Variants in CLDN14 observed in about 807,000 individuals in gnomAD.
The protein encoded by CLDN14 is claudin 14.
Under a neutral mutation model 2.1 loss-of-function variants are expected in CLDN14, and 2 were observed. That is an observed-to-expected ratio of 0.96 (90% CI 0.39 to 3.01). The LOEUF (loss-of-function observed/expected upper bound fraction) is 3.01, where lower values mean the gene tolerates loss of function less well. Among genes scored for constraint, CLDN14 ranks in the 30% most tolerant of loss-of-function variants. CLDN14 has a pLI of 0.09. For synonymous variants in CLDN14, 136 were observed against 154.4 expected (o/e 0.88, Z 0.88); for missense variants, 298 against 328.0 (o/e 0.91, Z 0.71).
intron 1 of CLDN14, among the ~76,000 whole-genome samples, chr21:36,533,849 G>A (rs191160286): frequency 4.6e-5 from 7 of 152,300 alleles, no homozygotes; most frequent in African/African-American, 1.2e-4. Flanking sequence ...TGGGGGTGAA[G>A]GGTGGGAGGA....
At chr21:36,565,744 C>T (rs531990548) in intron 1 of CLDN14, among the ~76,000 whole-genome samples, 1 of 152,306 alleles carries the variant, frequency 6.6e-6, no homozygotes, top group Non-Finnish European at 1.5e-5. Context: ...ATAAATAGTG[C>T]TGTGGAGTCT....
At chr21:36,465,954 G>T (rs193056047) in intron 1 of CLDN14, among the ~76,000 whole-genome samples, 1 of 152,334 alleles carries the variant, frequency 6.6e-6, no homozygotes, top group Non-Finnish European at 1.5e-5. Flanking sequence ...CCTGGGTGGG[G>T]AGTATGTGGC....
intron 1 of CLDN14, among the ~76,000 whole-genome samples, chr21:36,543,444 T>G (rs529256607): frequency 1.3e-5 from 2 of 152,190 alleles, no homozygotes; most frequent in Non-Finnish European, 2.9e-5. Context: ...AAGAGAGTGA[T>G]AGGGAAGTTT....
intron 1 of CLDN14, among the ~76,000 whole-genome samples, chr21:36,472,143 T>C (rs2086717982): frequency 6.6e-6 from 1 of 152,198 alleles, no homozygotes; most frequent in Non-Finnish European, 1.5e-5. Flanking sequence ...GTTACATAAC[T>C]TGTCCAAGGT....
rs192974799 is a variant in CLDN14 at position 36,470,712 on chromosome 21, G to A, written c.-82+8783C>T. 2.6e-5 allele frequency among the ~76,000 whole-genome samples: 4 copies of A among 152,338 alleles called. No homozygotes were observed. The East Asian group carries it at 7.7e-4, about 29-fold the overall frequency. ...TGCTCGGCCAGGCCCCATGGCACAGGCCTATAATCCCAACACTTTGGGAGG... is the reference window on the plus strand; with the variant it reads ...TGCTCGGCCAGGCCCCATGGCACAGACCTATAATCCCAACACTTTGGGAGG... On this transcript the variant is annotated intron_variant, in intron 1 of 1. Coordinates refer to ENST00000399135, the MANE Select transcript of CLDN14 (RefSeq NM_001146079.2).
chr21:36,539,837 AGT>A (rs963629376), intron 1 of CLDN14, among the ~76,000 whole-genome samples: 5 of 141,500 alleles, frequency 3.5e-5, no homozygotes, highest in East Asian at 2.2e-4. Context: ...CTGCAGAGTG[AGT>A]GTGTGTGCAG....
rs1186672358 is a variant in CLDN14 at position 36,489,124 on chromosome 21, A to AT, written c.-82+21238_-82+21239insA. Among the ~76,000 whole-genome samples the AT allele has an allele frequency of 7.4e-5, 7 of 95,230 alleles. No individual in the cohort carries two copies. In the East Asian group the frequency reaches 2.4e-3, roughly 32 times the overall value. The allele number at this position is 95,230 out of a possible 152,430, so 62.5% of individuals were successfully genotyped here. A position where few individuals can be genotyped will look rare whatever the true frequency, so the allele number is the denominator to read the frequency against. On this transcript the variant is annotated intron_variant, in intron 2 of 2. Coordinates refer to the CLDN14 transcript ENST00000342108. ...GTGAGAGTCTGTCTCAAAGAAAAAA[A>AT]AAAAAAAATATATATATATATATAT...
intron 1 of CLDN14, among the ~76,000 whole-genome samples, chr21:36,553,765 T>C (rs994857415): frequency 1.3e-5 from 2 of 152,050 alleles, no homozygotes; most frequent in Admixed American, 6.6e-5. Context: ...GAAGATATTC[T>C]TACTCCCCTT....
intron 1 of CLDN14, among the ~76,000 whole-genome samples, chr21:36,562,731 G>A (rs1189954055): frequency 1.3e-5 from 2 of 150,418 alleles, no homozygotes; most frequent in Non-Finnish European, 2.9e-5. Context: ...ATTACATCTG[G>A]CCTCTTTCCC....
upstream of CLDN14, among the ~76,000 whole-genome samples, chr21:36,483,610 C>A (rs2086868259): frequency 6.6e-6 from 1 of 152,188 alleles, no homozygotes; most frequent in Non-Finnish European, 1.5e-5. Context: ...TGCAGGTCAG[C>A]CTCGGAAAAG....
chr21:36,531,510 A>C (rs8128229), intron 1 of CLDN14, among the ~76,000 whole-genome samples: 92,494 of 151,202 alleles, frequency 0.61, 28,352 homozygotes, highest in Middle Eastern at 0.71. Flanking sequence ...GGTGATCCAC[A>C]CGCCTCAGCC....
At chr21:36,507,778 G>T (rs1475201957) in intron 2 of CLDN14, among the ~76,000 whole-genome samples, 3 of 151,998 alleles carry the variant, frequency 2.0e-5, no homozygotes, top group African/African-American at 7.2e-5. Context: ...AAAGAAAAAG[G>T]TTGCCTGGCC....
At chr21:36,542,232 G>C (rs564998358) in intron 1 of CLDN14, among the ~76,000 whole-genome samples, 12 of 152,176 alleles carry the variant, frequency 7.9e-5, no homozygotes, top group East Asian at 7.7e-4. Flanking sequence ...TAAAGTGCTG[G>C]GATTACAGGC....
intron 1 of CLDN14, 121 bp from the exon 2 acceptor site, chr21:36,461,897 A>G (rs1205397907): frequency 3.0e-6 from 2 of 665,478 alleles, no homozygotes; most frequent in East Asian, 5.5e-5. Flanking sequence ...GGCAATTAGC[A>G]TGTTCTCAAA....
At chr21:36,485,849 T>G in intron 2 of CLDN14, 31 of 512,026 alleles carry the variant, frequency 6.1e-5, no homozygotes, top group East Asian at 1.8e-4. Context: ...AGAGGTTCCA[T>G]TTCCTTTTTT....
At chr21:36,509,274 C>T (rs773769018) in intron 2 of CLDN14, among the ~76,000 whole-genome samples, 10 of 152,164 alleles carry the variant, frequency 6.6e-5, no homozygotes, top group Non-Finnish European at 1.0e-4. Flanking sequence ...CAGCTCAGAC[C>T]GGAAACCACA....
upstream of CLDN14, among the ~76,000 whole-genome samples, chr21:36,484,064 C>T (rs1446205326): frequency 1.3e-5 from 2 of 152,180 alleles, no homozygotes; most frequent in Admixed American, 6.5e-5. Context: ...CACTGGGCGG[C>T]AGGGACACAG....
At chr21:36,572,321 TG>T (rs1440850340) in intron 1 of CLDN14, among the ~76,000 whole-genome samples, 1 of 152,018 alleles carries the variant, frequency 6.6e-6, no homozygotes, top group Non-Finnish European at 1.5e-5. Context: ...ACCCCAAGGG[TG>T]TACCATGCAG....
intron 1 of CLDN14, among the ~76,000 whole-genome samples, chr21:36,519,999 G>A (rs2146492305): frequency 6.6e-6 from 1 of 152,314 alleles, no homozygotes; most frequent in South Asian, 2.1e-4. Context: ...TGTAGCAATA[G>A]TAATGTATTC....
Sources: allele counts gnomAD v4.1 joint callset (sites outside exome capture counted in the v4.1 genomes callset), GRCh38; gene constraint gnomAD v4.1.1; transcripts MANE v1.5; gene names NCBI Gene and HGNC (gene_info 2026-07-23, HGNC 2026-07-21).